The following SLC30A8 variants were observed in gnomAD, a reference collection of about 807,000 sequenced individuals.
SLC30A8 encodes proton-coupled zinc antiporter SLC30A8.
In SLC30A8, 27 loss-of-function variants were observed where a neutral mutation model predicts 36.9. That is an observed-to-expected ratio of 0.73 (90% CI 0.54 to 1.01). The LOEUF (loss-of-function observed/expected upper bound fraction) is 1.01, where lower values mean the gene tolerates loss of function less well. SLC30A8 is among the 50% of genes least tolerant of loss of function. The pLI, the probability that SLC30A8 is intolerant of heterozygous loss-of-function variation, is 0.00. For synonymous variants in SLC30A8, 164 were observed against 172.4 expected, an observed-to-expected ratio of 0.95 and a Z score of 0.38; for missense variants, 439 against 452.0, an observed-to-expected ratio of 0.97 and a Z score of 0.26.
At chr8:117,090,182 T>C (rs369312379) in intron 2 of SLC30A8, among the ~76,000 whole-genome samples, 11 of 152,242 alleles carry the variant, frequency 7.2e-5, no homozygotes, top group Middle Eastern at 3.4e-3. Context: ...CAGGCTGGTC[T>C]CAAACTCCTG....
chr8:117,017,016 G>A (rs1306828990), intron 1 of SLC30A8, among the ~76,000 whole-genome samples: 1 of 152,078 alleles, frequency 6.6e-6, no homozygotes. Context: ...GAGTGCCTGG[G>A]TTTGTATCCT....
chr8:117,058,055 T>C (rs192829143), intron 2 of SLC30A8, among the ~76,000 whole-genome samples: 1 of 152,338 alleles, frequency 6.6e-6, no homozygotes, highest in Middle Eastern at 3.4e-3. Context: ...ACACTTGTTA[T>C]CTCATGTCTT....
At chr8:117,077,452 A>G (rs1304549534) in intron 2 of SLC30A8, among the ~76,000 whole-genome samples, 1 of 152,190 alleles carries the variant, frequency 6.6e-6, no homozygotes, top group Non-Finnish European at 1.5e-5. Flanking sequence ...TGTCTGTGCT[A>G]TTGGCATTGG....
chr8:117,078,343 G>A (rs539163880), intron 2 of SLC30A8, among the ~76,000 whole-genome samples: 38 of 152,242 alleles, frequency 2.5e-4, no homozygotes, highest in African/African-American at 8.9e-4. Context: ...TTCCAAGCAG[G>A]CCACATGTAT....
intron 2 of SLC30A8, among the ~76,000 whole-genome samples, chr8:117,129,482 A>G (rs1786709088): frequency 6.6e-6 from 1 of 152,030 alleles, no homozygotes; most frequent in Non-Finnish European, 1.5e-5. Flanking sequence ...GAAAAGTTCA[A>G]GGGATGTCTG....
At chr8:117,051,504 T>G (rs1040402195) in intron 2 of SLC30A8, among the ~76,000 whole-genome samples, 1 of 152,166 alleles carries the variant, frequency 6.6e-6, no homozygotes, top group African/African-American at 2.4e-5. Flanking sequence ...GTACTTCATG[T>G]GAGAGCTGGT....
intron 1 of SLC30A8, among the ~76,000 whole-genome samples, chr8:117,037,070 C>T (rs1027708385): frequency 2.6e-5 from 4 of 151,954 alleles, no homozygotes; most frequent in African/African-American, 9.7e-5. Context: ...TAGGTATAAC[C>T]TTTGTAACAT....
chr8:117,066,833 T>C (rs1346505871), intron 2 of SLC30A8, among the ~76,000 whole-genome samples: 1 of 152,050 alleles, frequency 6.6e-6, no homozygotes, highest in African/African-American at 2.4e-5. Context: ...AAGACAAAAC[T>C]GAGAAATAAA....
chr8:117,136,647 G>A (rs971296675), intron 1 of SLC30A8, among the ~76,000 whole-genome samples: 3 of 152,070 alleles, frequency 2.0e-5, no homozygotes, highest in Admixed American at 6.6e-5. Context: ...ATGATGTATT[G>A]AGGTTATTAA....
At chr8:117,003,589 A>G (rs1032775492) in intron 1 of SLC30A8, among the ~76,000 whole-genome samples, 1 of 152,204 alleles carries the variant, frequency 6.6e-6, no homozygotes, top group African/African-American at 2.4e-5. Context: ...GTTCTTTTGT[A>G]TAATAGAGAA....
At chr8:117,023,204 TAA>T (rs1425992698) in intron 1 of SLC30A8, among the ~76,000 whole-genome samples, 1 of 152,168 alleles carries the variant, frequency 6.6e-6, no homozygotes, top group East Asian at 1.9e-4. Context: ...TGGCTATCAT[TAA>T]AAAGTCAGGA....
intron 2 of SLC30A8, among the ~76,000 whole-genome samples, chr8:117,046,864 T>C (rs1215325742): frequency 6.6e-6 from 1 of 152,218 alleles, no homozygotes; most frequent in Non-Finnish European, 1.5e-5. Context: ...GCCATTAGCT[T>C]CCTTTTACTT....
chr8:116,976,852 C>T (rs13250326), intron 1 of SLC30A8, among the ~76,000 whole-genome samples: 5 of 140,012 alleles, frequency 3.6e-5, no homozygotes, highest in African/African-American at 1.4e-4. Flanking sequence ...GAGTCTCTCT[C>T]TGTTGCCAGG....
chr8:116,976,062 G>A (rs1292857532), intron 1 of SLC30A8, among the ~76,000 whole-genome samples: 1 of 152,084 alleles, frequency 6.6e-6, no homozygotes, highest in Non-Finnish European at 1.5e-5. Context: ...AAGAGATCTT[G>A]GGAATAATGA....
intron 1 of SLC30A8, among the ~76,000 whole-genome samples, chr8:117,016,062 C>T (rs527805724): frequency 1.3e-5 from 2 of 152,028 alleles, no homozygotes; most frequent in Non-Finnish European, 2.9e-5. Flanking sequence ...GGGATAATAC[C>T]GGGCATAAGG....
At chr8:117,028,729 A>AAT (rs570957079) in intron 1 of SLC30A8, among the ~76,000 whole-genome samples, 7 of 151,692 alleles carry the variant, frequency 4.6e-5, no homozygotes, top group Middle Eastern at 3.5e-3. Context: ...ACATATGACA[A>AAT]ATATATATAT....
intron 4 of SLC30A8, among the ~76,000 whole-genome samples, chr8:117,159,168 C>T (rs1822651495): frequency 6.7e-6 from 1 of 150,230 alleles, no homozygotes; most frequent in African/African-American, 2.4e-5. Context: ...AGATTTCTGA[C>T]CTCCAGAACT....
At chr8:117,151,258 C>T (rs560535632) in intron 2 of SLC30A8, among the ~76,000 whole-genome samples, 4 of 152,300 alleles carry the variant, frequency 2.6e-5, no homozygotes, top group Non-Finnish European at 5.9e-5. Context: ...TAACTTGTCT[C>T]TGGTACAGTG....
intron 1 of SLC30A8, among the ~76,000 whole-genome samples, chr8:117,024,244 C>T (rs1217994922): frequency 2.0e-5 from 3 of 152,126 alleles, no homozygotes; most frequent in Non-Finnish European, 2.9e-5. Flanking sequence ...AAATGGTAAA[C>T]GATTTTAGGA....
Sources: allele counts gnomAD v4.1 joint callset (sites outside exome capture counted in the v4.1 genomes callset), GRCh38; gene constraint gnomAD v4.1.1; transcripts MANE v1.5; gene names NCBI Gene and HGNC (gene_info 2026-07-23, HGNC 2026-07-21).